Variants in POLE observed in about 807,000 individuals in gnomAD.
POLE encodes DNA polymerase epsilon catalytic subunit A.
POLE carries 188 observed loss-of-function variants against 279.2 expected under a neutral mutation model. That is an observed-to-expected ratio of 0.67 (90% confidence interval 0.60 to 0.76). POLE has a LOEUF of 0.76. Ranked by LOEUF, POLE falls within the 30% of genes least tolerant of loss-of-function variation. The pLI, the probability that POLE is intolerant of heterozygous loss-of-function variation, is 0.00. For synonymous variants in POLE, 1,214 were observed against 1,172.5 expected, an observed-to-expected ratio of 1.04 and a Z score of -0.72; for missense variants, 2,703 against 3,016.7, an observed-to-expected ratio of 0.90 and a Z score of 2.44.
In POLE at chr12:132,680,697, A is replaced by C. The variant is rs760786846; in HGVS notation, c.205-10T>G. The C allele has an allele frequency of 6.2e-7, 1 of 1,607,530 alleles. No homozygotes were observed. Among genetic ancestry groups the C allele is most frequent in the Non-Finnish European group, 8.5e-7 (1 of 1,174,114 alleles). Reference sequence around the variant, plus strand: ...CATCTAAAATCTCGGTCTACAAGAGAATCAGTCAACACAGACACAAGACCA... The same window carrying C: ...CATCTAAAATCTCGGTCTACAAGAGCATCAGTCAACACAGACACAAGACCA... On this transcript the variant is annotated splice_polypyrimidine_tract_variant and intron_variant, in intron 2 of 48. Transcript: ENST00000320574.
rs139603739 is a variant in POLE, at chr12:132,657,873, G to A, written c.3373C>T (p.Arg1125Ter). The A allele has an allele frequency of 8.1e-6, 13 of 1,608,584 alleles. No individual in the cohort carries two copies. The highest frequency in any genetic ancestry group is 2.7e-5 in the African/African-American group (2 of 74,822). Residue 1125 changes from arginine (R) to a stop codon, truncating the protein, a stop_gained, in exon 27 of 49, where the codon CGA becomes TGA. Transcript: ENST00000320574. LOFTEE classifies it high-confidence loss of function. ...AGAACGCAACTGGCACTCACTGCTC[G>A]AATATCAAAGTCTTGAAGGGAAGAG... ...KSSSLQDFDI[R>*]AILDWDYYIE...
In POLE at chr12:132,675,394, C is replaced by G; in HGVS notation, c.1226+4G>C. 6.2e-7 allele frequency: 1 copy of G among 1,613,918 alleles called. No individual in the cohort carries two copies. Among genetic ancestry groups the G allele is most frequent in the Non-Finnish European group, 8.5e-7 (1 of 1,179,926 alleles). On this transcript the variant is annotated splice_donor_region_variant and intron_variant, in intron 12 of 48. Transcript: ENST00000320574. The surrounding 1 kb of genome is among the most constrained non-coding windows in gnomAD (Gnocchi z 4.3). ...GAGGAGCCATGCTGCTCTGTGGCCC[C>G]TACCTGAGGCAGTCCATGTGGATGC... is the stretch of plus-strand genomic sequence containing the variant.
In POLE at chr12:132,663,917, C is replaced by T. The variant is rs1040887541; in HGVS notation, c.2706+87G>A. 31 of 1,430,614 alleles carry T rather than the reference C, an allele frequency of 2.2e-5. No individual in the cohort carries two copies. The African/African-American group carries it at 2.8e-4, about 13-fold the overall frequency. 88.6% of individuals were successfully genotyped at this position (1,430,614 alleles called of 1,614,324 possible). A position where few individuals can be genotyped will look rare whatever the true frequency, so the allele number is the denominator to read the frequency against. On this transcript the variant is annotated intron_variant, in intron 23 of 48. Coordinates refer to ENST00000320574, the MANE Select transcript of POLE (RefSeq NM_006231.4). ...CAGTGCTGGGTGCCAGGAAGGCATG[C>T]ACACTGTGAGGTGCTGCAGAGCCAG... is the stretch of plus-strand genomic sequence containing the variant.
intron 29 of POLE, chr12:132,651,226 G>A (rs981388493): frequency 1.3e-5 from 2 of 152,166 alleles, no homozygotes; most frequent in African/African-American, 4.8e-5. Context: ...GACACCGGGT[G>A]AAACATGCAC....
chr12:132,652,286 T>C (rs2042439016), intron 29 of POLE, among the ~76,000 whole-genome samples: 1 of 151,214 alleles, frequency 6.6e-6, no homozygotes, highest in Non-Finnish European at 1.5e-5. Context: ...CATAGTCTCC[T>C]GAGTTGTTTA....
chr12:132,669,010 T>A, intron 16 of POLE, 71 bp from the exon 17 acceptor site: 1 of 1,495,260 alleles, frequency 6.7e-7, no homozygotes, highest in South Asian at 1.3e-5. Flanking sequence ...CCAACCCCTT[T>A]TAGACATTCA....
chr12:132,686,155 G>A (rs1461365252), intron 1 of POLE, among the ~76,000 whole-genome samples: 1 of 152,028 alleles, frequency 6.6e-6, no homozygotes, highest in African/African-American at 2.4e-5. Context: ...GGGATTACAG[G>A]TGTGAGCCAC....
chr12:132,656,995 C>T (rs371023262), intron 29 of POLE, 141 bp downstream of exon 29: 3 of 845,216 alleles, frequency 3.5e-6, no homozygotes, highest in Non-Finnish European at 5.5e-6. Context: ...AGTAAAGTGC[C>T]AATGGGCACA....
chr12:132,674,104 T>C (rs1362819166), intron 12 of POLE, among the ~76,000 whole-genome samples: 1 of 151,960 alleles, frequency 6.6e-6, no homozygotes, highest in Non-Finnish European at 1.5e-5. Context: ...ACGGAAACAC[T>C]CAAGCCCACC....
At chr12:132,649,602 G>A (rs2042372244) in intron 30 of POLE, 75 bp downstream of exon 30, 3 of 1,599,344 alleles carry the variant, frequency 1.9e-6, no homozygotes, top group East Asian at 4.5e-5. Flanking sequence ...CTCCCTAGGG[G>A]TCAGGACGCA....
chr12:132,651,715 CTG>C (rs2042426598), intron 29 of POLE, among the ~76,000 whole-genome samples: 1 of 152,236 alleles, frequency 6.6e-6, no homozygotes, highest in South Asian at 2.1e-4. Context: ...CTATAAAACA[CTG>C]TGGCTTCTGC....
In POLE at chr12:132,661,721, A is replaced by G. The variant is rs368562341; in HGVS notation, c.2707-37T>C. The G allele has an allele frequency of 4.4e-6, 7 of 1,606,082 alleles. No individual in the cohort carries two copies. Among genetic ancestry groups the G allele is most frequent in the Non-Finnish European group, 6.0e-6 (7 of 1,175,548 alleles). On this transcript the variant is annotated intron_variant, in intron 23 of 48. Coordinates refer to ENST00000320574, the MANE Select transcript of POLE (RefSeq NM_006231.4). This position sits in a 1 kb window ranked among gnomAD's most constrained non-coding sequence, Gnocchi z 4.1. ...GAGTGAAGAGGGGGCAGCTTCACTC[A>G]TGATGGCCCAAACCTGGAAACCACC...
intron 3 of POLE, 95 bp downstream of exon 3, chr12:132,680,512 G>T: frequency 1.0e-6 from 1 of 963,010 alleles, no homozygotes; most frequent in Non-Finnish European, 1.7e-6. Context: ...ATGGGCTGCT[G>T]TGCACTGGAA....
chr12:132,640,660 G>A (rs2042122971), intron 39 of POLE, among the ~76,000 whole-genome samples: 1 of 152,228 alleles, frequency 6.6e-6, no homozygotes, highest in African/African-American at 2.4e-5. Flanking sequence ...TGAAGAAGCG[G>A]GAACTTCAAT....
intron 32 of POLE, 49 bp from the exon 33 acceptor site, chr12:132,644,026 T>C (rs2042219569): frequency 6.3e-7 from 1 of 1,590,280 alleles, no homozygotes; most frequent in Non-Finnish European, 8.6e-7. Context: ...AGTGGTAATG[T>C]CTGTGGTACA....
At chr12:132,669,342 T>C (rs1378951194) in intron 16 of POLE, among the ~76,000 whole-genome samples, 3 of 151,894 alleles carry the variant, frequency 2.0e-5, no homozygotes, top group Non-Finnish European at 4.4e-5. Context: ...GTGGCACCTG[T>C]AGTCCCAGCT....
intron 23 of POLE, 124 bp downstream of exon 23, chr12:132,663,880 A>T (rs2042730630): frequency 6.3e-6 from 6 of 949,308 alleles, no homozygotes; most frequent in Non-Finnish European, 9.6e-6. Context: ...GGCTATAGAA[A>T]AGCAATGTGA....
chr12:132,659,338 A>G lies in POLE; in HGVS notation c.3232T>C (p.Tyr1078His), dbSNP rs2042628123. 1.9e-6 allele frequency: 3 copies of G among 1,613,386 alleles called. No individual in the cohort carries two copies. Among genetic ancestry groups the G allele is most frequent in the East Asian group, 4.5e-5 (2 of 44,882 alleles). Reference sequence around the variant, plus strand: ...CCCTCGGGCTTGCGGGAGATGATGTAGCGGCAACTCAGCCCTGCATCCTTG... The same window carrying G: ...CCCTCGGGCTTGCGGGAGATGATGTGGCGGCAACTCAGCCCTGCATCCTTG... ...MVKDAGLSCR[Y>H]IISRKPEGSP... The change falls in exon 26 of 49, where the codon TAC (tyrosine) becomes CAC (histidine). Residue 1078 changes from tyrosine to histidine, a missense_variant. Physicochemically the swap from Tyr to His is moderately conservative, Grantham distance 83. Transcript: ENST00000320574.
At chr12:132,640,612 A>G (rs951419335) in intron 39 of POLE, among the ~76,000 whole-genome samples, 2 of 152,260 alleles carry the variant, frequency 1.3e-5, no homozygotes, top group Non-Finnish European at 2.9e-5. Flanking sequence ...TGGAACCCCA[A>G]TTCAGCTAAA....
Sources: gnomAD v4.1 joint callset for allele counts (sites outside exome capture counted in the v4.1 genomes callset) on GRCh38, gnomAD v4.1.1 for gene constraint, Gnocchi (gnomAD v3.1) non-coding constraint, MANE v1.5 for transcripts, NCBI Gene and HGNC (gene_info 2026-07-23, HGNC 2026-07-21) for gene names.